Variants in ZFHX3 observed in about 807,000 individuals in gnomAD.
ZFHX3 encodes zinc finger homeobox protein 3.
ZFHX3 carries 42 observed loss-of-function variants against 279.1 expected under a neutral mutation model. That is an observed-to-expected ratio of 0.15 (90% CI 0.12 to 0.19). The LOEUF is 0.19. ZFHX3 is among the 10% of genes least tolerant of loss of function. The pLI, the probability that ZFHX3 is intolerant of heterozygous loss-of-function variation, is 1.00. For synonymous variants in ZFHX3, 2,293 were observed against 1,957.8 expected (o/e 1.17, Z -4.52); for missense variants, 4,981 against 4,754.0 (o/e 1.05, Z -1.40).
At chr16:73,767,133 C>T (rs1172703012) in intron 1 of ZFHX3, among the ~76,000 whole-genome samples, 1 of 151,984 alleles carries the variant, frequency 6.6e-6, no homozygotes, top group African/African-American at 2.4e-5. Context: ...GATGGGGTTT[C>T]ACCATGTTGG....
intron 1 of ZFHX3, among the ~76,000 whole-genome samples, chr16:73,728,968 G>T (rs933645313): frequency 2.6e-5 from 4 of 152,038 alleles, no homozygotes; most frequent in African/African-American, 9.7e-5. Flanking sequence ...CATCCACACT[G>T]CCTTCCTCCT....
chr16:73,853,526 C>G (rs1350450201), intron 1 of ZFHX3, among the ~76,000 whole-genome samples: 1 of 152,124 alleles, frequency 6.6e-6, no homozygotes, highest in African/African-American at 2.4e-5. Context: ...ATGTCCTTTG[C>G]AGCAACATGG....
chr16:73,220,891 C>T lies in ZFHX3; in HGVS notation c.-1104+36156G>A, dbSNP rs146295279. ...TCCCTGAACCCTTTTTGGTGGAGCA[C>T]GGGCGATGGATGTTTTTGTGCATGG... On this transcript the variant is annotated intron_variant, in intron 5 of 17. Coordinates refer to the ZFHX3 transcript ENST00000641206. Among the ~76,000 whole-genome samples the T allele has an allele frequency of 2.3e-4, 35 of 152,114 alleles. No individual in the cohort carries two copies. In the East Asian group the frequency reaches 5.6e-3, roughly 24 times the overall value.
At chr16:73,547,166 T>C (rs528929503) in intron 2 of ZFHX3, among the ~76,000 whole-genome samples, 25 of 152,220 alleles carry the variant, frequency 1.6e-4, no homozygotes, top group Admixed American at 8.5e-4. Flanking sequence ...GCAATGATGT[T>C]CCTAGCTAGG....
chr16:73,605,449 C>T (rs1216671460), intron 2 of ZFHX3, among the ~76,000 whole-genome samples: 3 of 152,178 alleles, frequency 2.0e-5, no homozygotes, highest in Admixed American at 6.6e-5. Context: ...CACATTTCCA[C>T]CACATCCCCA....
chr16:72,892,957 A>T (rs2038810398), intron 3 of ZFHX3, among the ~76,000 whole-genome samples: 1 of 152,154 alleles, frequency 6.6e-6, no homozygotes, highest in South Asian at 2.1e-4. Flanking sequence ...GTGAAGGGAG[A>T]AGATGAGCTA....
chr16:72,948,635 T>TA (rs1260012542), intron 3 of ZFHX3, among the ~76,000 whole-genome samples: 1 of 152,184 alleles, frequency 6.6e-6, no homozygotes, highest in Admixed American at 6.5e-5. Context: ...GCATGAGAGT[T>TA]AATCGCCACC....
intron 1 of ZFHX3, among the ~76,000 whole-genome samples, chr16:73,707,912 C>A (rs1162771384): frequency 6.6e-6 from 1 of 152,058 alleles, no homozygotes; most frequent in Admixed American, 6.5e-5. Context: ...TGAAGAGGCA[C>A]ACACAGGAGA....
At chr16:73,348,645 G>A (rs16971766) in intron 3 of ZFHX3, among the ~76,000 whole-genome samples, 9,587 of 152,224 alleles carry the variant, frequency 0.063, 672 homozygotes, top group East Asian at 0.29. Flanking sequence ...TGCACACGGT[G>A]CAATTAGCCA....
chr16:73,183,586 C>T (rs1597208414), intron 5 of ZFHX3, among the ~76,000 whole-genome samples: 1 of 152,210 alleles, frequency 6.6e-6, no homozygotes, highest in East Asian at 1.9e-4. Context: ...CTCCATCAGC[C>T]TCTGGAGATG....
chr16:73,259,823 A>G lies in ZFHX3; in HGVS notation c.-1193-2687T>C, dbSNP rs189039590. 3.9e-4 allele frequency among the ~76,000 whole-genome samples: 60 copies of G among 152,352 alleles called. No homozygotes were observed. In the East Asian group the frequency reaches 8.7e-3, roughly 22 times the overall value. ...TATATGCACACGCATTATTTTTCCA[A>G]TGATGTTAACTCTGACAATTTTCTA... On this transcript the variant is annotated intron_variant, in intron 4 of 17. Transcript: ENST00000641206.
At chr16:73,693,566 T>A (rs1277277747) in intron 1 of ZFHX3, among the ~76,000 whole-genome samples, 1 of 151,634 alleles carries the variant, frequency 6.6e-6, no homozygotes, top group East Asian at 2.0e-4. Flanking sequence ...TCATGAAGGA[T>A]AAGAGGAAAG....
At chr16:72,992,579 T>C (rs1284448044) in intron 1 of ZFHX3, among the ~76,000 whole-genome samples, 1 of 152,144 alleles carries the variant, frequency 6.6e-6, no homozygotes, top group Admixed American at 6.5e-5. Context: ...CAAAGGCATT[T>C]ACTCACAGCC....
intron 5 of ZFHX3, among the ~76,000 whole-genome samples, chr16:73,172,457 G>C (rs1417091957): frequency 6.6e-6 from 1 of 152,206 alleles, no homozygotes; most frequent in Non-Finnish European, 1.5e-5. Flanking sequence ...AGCCGTGTGA[G>C]ACTCTAATGG....
chr16:73,058,217 GGGA>G (rs1965607343), intron 1 of ZFHX3, among the ~76,000 whole-genome samples: 1 of 145,402 alleles, frequency 6.9e-6, no homozygotes, highest in Non-Finnish European at 1.5e-5. Flanking sequence ...CGCGGGGCCG[GGGA>G]GGAGGGGGCG....
intron 2 of ZFHX3, among the ~76,000 whole-genome samples, chr16:72,953,081 C>A (rs564222469): frequency 6.6e-6 from 1 of 152,112 alleles, no homozygotes; most frequent in African/African-American, 2.4e-5. Flanking sequence ...CACAAGTCAC[C>A]TCGAGTGATA....
chr16:73,584,462 G>C (rs1185730564), intron 2 of ZFHX3, among the ~76,000 whole-genome samples: 1 of 152,114 alleles, frequency 6.6e-6, no homozygotes, highest in Non-Finnish European at 1.5e-5. Context: ...GAAGCCCACA[G>C]AATAAAATCA....
intron 2 of ZFHX3, among the ~76,000 whole-genome samples, chr16:73,671,893 A>G (rs1248300652): frequency 6.6e-6 from 1 of 152,140 alleles, no homozygotes; most frequent in Non-Finnish European, 1.5e-5. Flanking sequence ...CATCTCTCTC[A>G]TTATACATAT....
chr16:73,682,906 G>GAAAAAGAAAGAGAA (rs1323501382), intron 1 of ZFHX3, among the ~76,000 whole-genome samples: 2 of 28,704 alleles, frequency 7.0e-5, no homozygotes, highest in African/African-American at 1.6e-4. Context: ...AAGAAAGAAA[G>GAAAAAGAAAGAGAA]AGAAAGAAAG....
Sources: allele counts gnomAD v4.1 joint callset (sites outside exome capture counted in the v4.1 genomes callset), GRCh38; gene constraint gnomAD v4.1.1; transcripts MANE v1.5; gene names NCBI Gene and HGNC (gene_info 2026-07-23, HGNC 2026-07-21).